Variants in GABRG3 observed in about 807,000 individuals in gnomAD.
The protein encoded by GABRG3 is gamma-aminobutyric acid receptor subunit gamma-3.
Under a neutral mutation model 48.8 loss-of-function variants are expected in GABRG3, and 25 were observed. The ratio of observed to expected loss-of-function variants is 0.51; its 90% CI spans 0.37 to 0.72. GABRG3 has a LOEUF of 0.72. GABRG3 is among the 30% of genes least tolerant of loss of function. The probability of loss-of-function intolerance (pLI) is 0.00; values close to 1 mark genes in which losing one functional copy is unlikely to be tolerated. For missense variants in GABRG3, 394 were observed against 577.9 expected, an observed-to-expected ratio of 0.68 and a Z score of 3.26; for synonymous variants, 227 against 217.6, an observed-to-expected ratio of 1.04 and a Z score of -0.38.
intron 2 of GABRG3, among the ~76,000 whole-genome samples, chr15:27,002,878 T>C (rs1053172395): frequency 6.6e-6 from 1 of 151,870 alleles, no homozygotes; most frequent in African/African-American, 2.4e-5. Context: ...GGTGGGAGGA[T>C]TGCCTGAGCC....
chr15:27,322,337 A>G (rs1893456498), intron 3 of GABRG3, among the ~76,000 whole-genome samples: 1 of 152,136 alleles, frequency 6.6e-6, no homozygotes, highest in Non-Finnish European at 1.5e-5. Context: ...TGCTACAGGG[A>G]AAGAGTACGA....
intron 5 of GABRG3, among the ~76,000 whole-genome samples, chr15:27,377,566 C>CTGTTT (rs1302363770): frequency 6.6e-6 from 1 of 152,180 alleles, no homozygotes; most frequent in South Asian, 2.1e-4. Context: ...GGGGAGACTC[C>CTGTTT]TGTTTTTAAA....
At position 27,467,342 on chromosome 15, in the gene GABRG3, G is replaced by C. The variant is rs142667030; in HGVS notation, c.575-13308G>C. 3.3e-3 allele frequency among the ~76,000 whole-genome samples: 498 copies of C among 152,324 alleles called. 1 individual carries two copies. The highest frequency in any genetic ancestry group is 0.02 in the Middle Eastern group (6 of 294). On this transcript the variant is annotated intron_variant, in intron 5 of 9. Coordinates refer to ENST00000615808, the MANE Select transcript of GABRG3 (RefSeq NM_033223.5). ...GATTAGGACTTCAACGTATGAATTT[G>C]TGGGGGGGACACAGATGTTCAGACC... is the stretch of plus-strand genomic sequence containing the variant.
At chr15:27,428,560 T>A (rs1888359141) in intron 5 of GABRG3, among the ~76,000 whole-genome samples, 1 of 152,264 alleles carries the variant, frequency 6.6e-6, no homozygotes, top group Non-Finnish European at 1.5e-5. Context: ...CTTTTTTTAT[T>A]ATTTGAGGAA....
intron 6 of GABRG3, among the ~76,000 whole-genome samples, chr15:27,503,510 C>CT (rs1213072640): frequency 6.6e-6 from 1 of 151,796 alleles, no homozygotes; most frequent in Non-Finnish European, 1.5e-5. Flanking sequence ...TTGGATTTGG[C>CT]TTTTTTTTCC....
chr15:27,251,877 C>G (rs1012846645), intron 3 of GABRG3, among the ~76,000 whole-genome samples: 2 of 152,174 alleles, frequency 1.3e-5, no homozygotes, highest in African/African-American at 4.8e-5. Flanking sequence ...CCTCTGCCGC[C>G]TCTGATAGCC....
chr15:27,029,515 A>G (rs764626184), intron 3 of GABRG3, among the ~76,000 whole-genome samples: 2 of 151,892 alleles, frequency 1.3e-5, no homozygotes, highest in Non-Finnish European at 2.9e-5. Flanking sequence ...GTGTGCACAC[A>G]TGCATCACAC....
chr15:27,455,379 T>TGTGC (rs1595765097), intron 5 of GABRG3, among the ~76,000 whole-genome samples: 1 of 151,192 alleles, frequency 6.6e-6, no homozygotes, highest in East Asian at 2.0e-4. Context: ...GGTTCGTGTA[T>TGTGC]GGGGTGTATG....
intron 5 of GABRG3, among the ~76,000 whole-genome samples, chr15:27,473,961 C>T (rs2150841698): frequency 6.6e-6 from 1 of 152,316 alleles, no homozygotes; most frequent in East Asian, 1.9e-4. Flanking sequence ...GTTCAAAAAT[C>T]AGGAAATGCC....
chr15:27,470,701 T>C (rs1889761268), intron 5 of GABRG3, among the ~76,000 whole-genome samples: 1 of 152,156 alleles, frequency 6.6e-6, no homozygotes, highest in Non-Finnish European at 1.5e-5. Context: ...AACTCTGTTT[T>C]CCCCAAATTG....
At chr15:27,105,599 C>T (rs183451576) in intron 3 of GABRG3, among the ~76,000 whole-genome samples, 11 of 152,184 alleles carry the variant, frequency 7.2e-5, no homozygotes, top group African/African-American at 2.2e-4. Flanking sequence ...ATTAACATAA[C>T]GTTTTAGGAT....
intron 3 of GABRG3, among the ~76,000 whole-genome samples, chr15:27,030,536 GC>G (rs1269990236): frequency 1.3e-5 from 2 of 152,148 alleles, no homozygotes; most frequent in Non-Finnish European, 2.9e-5. Flanking sequence ...TGCCTTTGTC[GC>G]TGCAACATAC....
At chr15:27,186,881 T>C (rs1174222437) in intron 3 of GABRG3, among the ~76,000 whole-genome samples, 2 of 152,186 alleles carry the variant, frequency 1.3e-5, no homozygotes, top group African/African-American at 4.8e-5. Flanking sequence ...GTTGTCTGTT[T>C]ACTCCCTTGA....
chr15:27,018,766 T>C (rs1380568548), intron 2 of GABRG3, among the ~76,000 whole-genome samples: 1 of 152,158 alleles, frequency 6.6e-6, no homozygotes, highest in Non-Finnish European at 1.5e-5. Context: ...GAAAACATTT[T>C]TGCATGGACT....
chr15:27,485,980 C>T (rs1890210352), intron 6 of GABRG3, among the ~76,000 whole-genome samples: 1 of 152,156 alleles, frequency 6.6e-6, no homozygotes, highest in South Asian at 2.1e-4. Flanking sequence ...CAAGGCTGCC[C>T]ATAATGCCTA....
At chr15:27,110,168 C>A (rs1329289287) in intron 3 of GABRG3, among the ~76,000 whole-genome samples, 1 of 151,826 alleles carries the variant, frequency 6.6e-6, no homozygotes. Context: ...TTTTTTTAAG[C>A]ATATCATTTA....
intron 3 of GABRG3, among the ~76,000 whole-genome samples, chr15:27,041,833 G>C (rs1896281584): frequency 6.6e-6 from 1 of 152,142 alleles, no homozygotes; most frequent in Non-Finnish European, 1.5e-5. Flanking sequence ...GAGGAGAGGT[G>C]CCATCAGTCC....
intron 5 of GABRG3, among the ~76,000 whole-genome samples, chr15:27,428,514 T>G (rs1262886268): frequency 6.6e-6 from 1 of 152,264 alleles, no homozygotes. Flanking sequence ...TAACCTCCAG[T>G]GAGACCACGC....
chr15:27,063,080 G>T (rs1418639412), intron 3 of GABRG3, among the ~76,000 whole-genome samples: 2 of 152,196 alleles, frequency 1.3e-5, no homozygotes, highest in Non-Finnish European at 2.9e-5. Context: ...TGAGGAATGA[G>T]CTCAAAGGAT....
Sources: allele counts gnomAD v4.1 joint callset (sites outside exome capture counted in the v4.1 genomes callset), GRCh38; gene constraint gnomAD v4.1.1; transcripts MANE v1.5; gene names NCBI Gene and HGNC (gene_info 2026-07-23, HGNC 2026-07-21).